Variants in CCDC171 observed in about 807,000 individuals in gnomAD.
The protein encoded by CCDC171 is coiled-coil domain-containing protein 171.
CCDC171 carries 177 observed loss-of-function variants against 168.2 expected under a neutral mutation model. The observed-to-expected ratio is 1.05, with a 90% confidence interval of 0.93 to 1.19. The LOEUF is 1.19. CCDC171 is among the 50% of genes most tolerant of loss of function. CCDC171 has a pLI of 0.00. For synonymous variants in CCDC171, 687 were observed against 540.8 expected, an observed-to-expected ratio of 1.27 and a Z score of -3.75; for missense variants, 1,991 against 1,539.0, an observed-to-expected ratio of 1.29 and a Z score of -4.91.
intron 6 of CCDC171, among the ~76,000 whole-genome samples, chr9:15,601,121 C>G (rs1291136013): frequency 2.6e-5 from 4 of 152,200 alleles, no homozygotes; most frequent in Admixed American, 1.3e-4. Flanking sequence ...GACTCACGCT[C>G]AGTGCACTGC....
At chr9:15,652,577 G>A (rs2047609857) in intron 7 of CCDC171, among the ~76,000 whole-genome samples, 1 of 151,936 alleles carries the variant, frequency 6.6e-6, no homozygotes, top group East Asian at 1.9e-4. Flanking sequence ...TTTACAGGTG[G>A]CCACCACCAC....
chr9:15,779,209 T>TA, intron 20 of CCDC171, 59 bp downstream of exon 20: 1 of 992,454 alleles, frequency 1.0e-6, no homozygotes, highest in Non-Finnish European at 1.4e-6. Flanking sequence ...TTTATCTCTA[T>TA]ATCCTTTTTT....
chr9:15,676,284 T>G (rs1186733491), intron 9 of CCDC171, among the ~76,000 whole-genome samples: 2 of 152,174 alleles, frequency 1.3e-5, no homozygotes, highest in Non-Finnish European at 2.9e-5. Flanking sequence ...CTGACCTTTT[T>G]GCAAGGTTTT....
At chr9:15,887,121 A>G (rs1179029310) in intron 24 of CCDC171, among the ~76,000 whole-genome samples, 1 of 152,174 alleles carries the variant, frequency 6.6e-6, no homozygotes, top group East Asian at 1.9e-4. Context: ...TTCTCACCAC[A>G]TACACAAAAG....
chr9:15,922,240 T>C (rs1338431164), intron 25 of CCDC171: 1 of 337,668 alleles, frequency 3.0e-6, no homozygotes, highest in Non-Finnish European at 6.6e-6. Context: ...TTCCATGTCT[T>C]GACAGGATGT....
intron 7 of CCDC171, among the ~76,000 whole-genome samples, chr9:15,636,003 T>A (rs1437678658): frequency 6.6e-6 from 1 of 152,208 alleles, no homozygotes; most frequent in African/African-American, 2.4e-5. Context: ...AAATGGTACC[T>A]TATTGTGGTT....
chr9:16,099,302 C>T, the CCDC171 span, among the ~76,000 whole-genome samples: 41 of 152,238 alleles, frequency 2.7e-4, 1 homozygote, highest in African/African-American at 9.4e-4. Context: ...GTTTATTCTG[C>T]TAAGTTTCAT....
At chr9:15,898,602 C>T (rs1821221533) in intron 24 of CCDC171, among the ~76,000 whole-genome samples, 1 of 152,082 alleles carries the variant, frequency 6.6e-6, no homozygotes. Flanking sequence ...TTATTCTCTT[C>T]TTGTTTATTT....
At chr9:15,881,845 T>C (rs1818694125) in intron 24 of CCDC171, among the ~76,000 whole-genome samples, 1 of 152,250 alleles carries the variant, frequency 6.6e-6, no homozygotes, top group African/African-American at 2.4e-5. Flanking sequence ...TCTTTATTCA[T>C]TTATTAACGG....
downstream of CCDC171, among the ~76,000 whole-genome samples, chr9:15,976,348 T>C (rs1428333832): frequency 6.6e-6 from 1 of 152,206 alleles, no homozygotes; most frequent in African/African-American, 2.4e-5. Context: ...CAAATTCTTT[T>C]CGGTTTCCAT....
intron 2 of CCDC171, among the ~76,000 whole-genome samples, chr9:15,569,129 A>T (rs1327384600): frequency 6.6e-6 from 1 of 152,178 alleles, no homozygotes; most frequent in Non-Finnish European, 1.5e-5. Flanking sequence ...CATGCATTTA[A>T]CCTGGGCTCT....
chr9:15,914,436 G>T (rs1193621835), intron 24 of CCDC171, among the ~76,000 whole-genome samples: 2 of 152,164 alleles, frequency 1.3e-5, no homozygotes, highest in African/African-American at 2.4e-5. Context: ...TGGAGGCTTT[G>T]TTTAAACTGT....
intron 7 of CCDC171, among the ~76,000 whole-genome samples, chr9:15,633,477 C>T (rs1361932133): frequency 6.6e-6 from 1 of 152,154 alleles, no homozygotes; most frequent in Non-Finnish European, 1.5e-5. Flanking sequence ...CAATGAGATA[C>T]CATCTCACAC....
At chr9:15,750,208 A>G (rs898021367) in intron 18 of CCDC171, among the ~76,000 whole-genome samples, 2 of 152,198 alleles carry the variant, frequency 1.3e-5, no homozygotes, top group African/African-American at 4.8e-5. Context: ...TAAATAAACT[A>G]GAAAATCTAG....
At position 15,791,937 on chromosome 9, in the gene CCDC171, G is replaced by A. The variant is rs148523890; in HGVS notation, c.3267+7243G>A. Among the ~76,000 whole-genome samples the A allele has an allele frequency of 6.9e-3, 1,049 of 152,268 alleles. 10 individuals are homozygous for A. The highest frequency in any genetic ancestry group is 0.024 in the African/African-American group (989 of 41,542). On this transcript the variant is annotated intron_variant, in intron 21 of 25. Transcript: ENST00000380701. ...AGCACCTCTCCCCCTCCAGAGGAAC[G>A]CAGCTCCTCACCAGCAATGGAACAA...
intron 18 of CCDC171, among the ~76,000 whole-genome samples, chr9:15,772,731 T>A (rs1239542424): frequency 6.6e-6 from 1 of 152,190 alleles, no homozygotes; most frequent in South Asian, 2.1e-4. Flanking sequence ...TGTGATGAGA[T>A]CCTAGTTGTG....
At chr9:15,798,877 G>T (rs895025137) in intron 21 of CCDC171, among the ~76,000 whole-genome samples, 7 of 151,758 alleles carry the variant, frequency 4.6e-5, no homozygotes, top group Non-Finnish European at 1.5e-5. Context: ...AGGGGCTGCT[G>T]TAGTGTTTAT....
At chr9:15,566,331 G>A (rs2039724321) in intron 2 of CCDC171, among the ~76,000 whole-genome samples, 1 of 152,116 alleles carries the variant, frequency 6.6e-6, no homozygotes, top group Non-Finnish European at 1.5e-5. Context: ...GCTGAGGTGG[G>A]TGGATTGCTT....
intron 24 of CCDC171, among the ~76,000 whole-genome samples, chr9:15,912,905 A>G (rs1016296798): frequency 2.0e-5 from 3 of 152,202 alleles, no homozygotes; most frequent in Non-Finnish European, 4.4e-5. Context: ...ATCATGGTGG[A>G]TAAGCTTTTT....
Sources: gnomAD v4.1 joint callset for allele counts (sites outside exome capture counted in the v4.1 genomes callset) on GRCh38, gnomAD v4.1.1 for gene constraint, MANE v1.5 for transcripts, NCBI Gene and HGNC (gene_info 2026-07-23, HGNC 2026-07-21) for gene names.